Variants in MRPS27 observed in about 807,000 individuals in gnomAD.
MRPS27 encodes the protein mitochondrial ribosomal protein S27.
A neutral mutation model predicts 48.9 loss-of-function variants in MRPS27; 43 were observed. The ratio of observed to expected loss-of-function variants is 0.88; its 90% CI spans 0.69 to 1.13. MRPS27 has a LOEUF of 1.13. Ranked by LOEUF, MRPS27 falls within the 50% of genes most tolerant of loss-of-function variation. MRPS27 has a pLI of 0.00. For missense variants in MRPS27, 467 were observed against 476.3 expected, an observed-to-expected ratio of 0.98 and a Z score of 0.18; for synonymous variants, 188 against 171.9, an observed-to-expected ratio of 1.09 and a Z score of -0.73.
intron 1 of MRPS27, among the ~76,000 whole-genome samples, chr5:72,318,624 G>A (rs991152062): frequency 6.6e-6 from 1 of 152,072 alleles, no homozygotes; most frequent in Admixed American, 6.6e-5. Context: ...GAGAAACCCC[G>A]TCTCTACTGA....
At chr5:72,307,186 T>C (rs1294602760) in intron 2 of MRPS27, among the ~76,000 whole-genome samples, 2 of 151,974 alleles carry the variant, frequency 1.3e-5, no homozygotes, top group Non-Finnish European at 2.9e-5. Context: ...ACCCCATCTC[T>C]GCTAAAAATA....
chr5:72,235,812 C>A (rs1421695257), intron 5 of MRPS27, among the ~76,000 whole-genome samples: 1 of 152,166 alleles, frequency 6.6e-6, no homozygotes, highest in Non-Finnish European at 1.5e-5. Context: ...GAGAAGGCAT[C>A]AGCAGGCACC....
chr5:72,311,283 T>C (rs1750435143), intron 2 of MRPS27, among the ~76,000 whole-genome samples: 1 of 152,144 alleles, frequency 6.6e-6, no homozygotes, highest in African/African-American at 2.4e-5. Flanking sequence ...AGCTATAATA[T>C]ATGAAACAAA....
chr5:72,317,112 A>G (rs546710314), intron 1 of MRPS27, among the ~76,000 whole-genome samples: 1 of 152,174 alleles, frequency 6.6e-6, no homozygotes, highest in East Asian at 1.9e-4. Context: ...ACAACTAGAT[A>G]GCATGGGGGC....
chr5:72,248,705 A>T lies in MRPS27; in HGVS notation c.282-10577T>A, dbSNP rs534306943. Among the ~76,000 whole-genome samples, 156 of 93,120 alleles carry T rather than the reference A, an allele frequency of 1.7e-3. 1 individual carries two copies. The highest frequency in any genetic ancestry group is 5.8e-3 in the African/African-American group (147 of 25,316). 61.1% of individuals were successfully genotyped at this position (93,120 alleles called of 152,430 possible). On this transcript the variant is annotated intron_variant, in intron 4 of 10. Transcript: ENST00000261413. ...AAAAAAAAAAAAAAAGCTTTGATGT[A>T]TAATAGTTAAATAGATTCCAGACAG... is the stretch of plus-strand genomic sequence containing the variant.
In MRPS27 at chr5:72,279,774, C is replaced by CA. The variant is rs201696219; in HGVS notation, c.281+15756dup. Among the ~76,000 whole-genome samples the CA allele has an allele frequency of 5.2e-3, 782 of 149,778 alleles. 3 individuals carry two copies. The highest frequency in any genetic ancestry group is 0.018 in the African/African-American group (737 of 40,856). On this transcript the variant is annotated intron_variant, in intron 4 of 10. Transcript: ENST00000261413. ...TTTGTTATGTTTTTTGTGTCTTGTT[C>CA]AAAAAAAAACAAATCCTTCAGTGTC...
rs142897464 is a variant in MRPS27 at position 72,226,167 on chromosome 5, C to G, written c.727G>C (p.Val243Leu). 3.2e-5 allele frequency: 51 copies of G among 1,613,678 alleles called. No homozygotes were observed. Among genetic ancestry groups the G allele is most frequent in the Non-Finnish European group, 4.2e-5 (49 of 1,179,810 alleles). ...CATATCAGAGGCATGTTGTGGTACA[C>G]AGCCCGTAGCCCTTGCTGCAACTCC... ...KVELQQGLRA[V>L]YHNMPLIWKP... The change falls in exon 9 of 11, where the codon GTG becomes CTG. Residue 243 changes from valine (V) to leucine (L), a missense_variant. Transcript: ENST00000261413.
chr5:72,261,320 T>C (rs1321840249), intron 4 of MRPS27, among the ~76,000 whole-genome samples: 1 of 151,930 alleles, frequency 6.6e-6, no homozygotes, highest in Non-Finnish European at 1.5e-5. Context: ...GGCACGATCT[T>C]GGCTCACTGC....
intron 2 of MRPS27, among the ~76,000 whole-genome samples, chr5:72,310,265 C>T (rs1171560889): frequency 6.6e-6 from 1 of 152,134 alleles, no homozygotes; most frequent in African/African-American, 2.4e-5. Flanking sequence ...GCACCTAGAT[C>T]TTGGTTTCTA....
At chr5:72,285,966 A>G (rs1218035078) in intron 4 of MRPS27, among the ~76,000 whole-genome samples, 1 of 152,256 alleles carries the variant, frequency 6.6e-6, no homozygotes, top group Non-Finnish European at 1.5e-5. Context: ...TTTGTCTTAC[A>G]GACACGAATC....
chr5:72,298,040 A>G, intron 2 of MRPS27, among the ~76,000 whole-genome samples: 1 of 152,174 alleles, frequency 6.6e-6, no homozygotes, highest in East Asian at 1.9e-4. Context: ...AAAAACAAAA[A>G]TTGACAAGTG....
intron 4 of MRPS27, among the ~76,000 whole-genome samples, chr5:72,242,742 TA>T (rs749666660): frequency 7.6e-5 from 11 of 144,374 alleles, no homozygotes; most frequent in African/African-American, 2.7e-4. Context: ...ACACCAAAAA[TA>T]GGGGGGAAAA....
At chr5:72,253,019 T>A (rs1345858490) in intron 4 of MRPS27, among the ~76,000 whole-genome samples, 2 of 152,208 alleles carry the variant, frequency 1.3e-5, no homozygotes, top group East Asian at 1.9e-4. Flanking sequence ...CTAACTTGTA[T>A]GAAGACTTCC....
At chr5:72,260,011 C>T (rs778591818) in intron 4 of MRPS27, among the ~76,000 whole-genome samples, 1 of 152,098 alleles carries the variant, frequency 6.6e-6, no homozygotes, top group Non-Finnish European at 1.5e-5. Context: ...ACTGCCTTTC[C>T]TGCTTTTTCT....
chr5:72,225,911 G>A, intron 9 of MRPS27, 146 bp downstream of exon 9: 1 of 807,390 alleles, frequency 1.2e-6, no homozygotes, highest in African/African-American at 1.7e-5. Flanking sequence ...AATGTTTGTG[G>A]TTTTGCATTT....
chr5:72,295,395 C>T (rs1165136492), intron 4 of MRPS27, 136 bp downstream of exon 4: 2 of 659,886 alleles, frequency 3.0e-6, no homozygotes, highest in Non-Finnish European at 5.3e-6. Flanking sequence ...CAGAAACTCT[C>T]TCTATACTCA....
chr5:72,299,946 T>C (rs921722061), intron 2 of MRPS27, among the ~76,000 whole-genome samples: 2 of 152,230 alleles, frequency 1.3e-5, no homozygotes, highest in East Asian at 1.9e-4. Flanking sequence ...TTCTGTGTCC[T>C]CCATTCTGTT....
At chr5:72,227,733 CA>C (rs1747940357) in intron 8 of MRPS27, 1 of 153,062 alleles carries the variant, frequency 6.5e-6, no homozygotes, top group Admixed American at 6.5e-5. Context: ...AATCAGGGCA[CA>C]AGAGGAAAGC....
intron 4 of MRPS27, among the ~76,000 whole-genome samples, chr5:72,283,767 C>A (rs1313702239): frequency 1.3e-5 from 2 of 151,800 alleles, no homozygotes; most frequent in Admixed American, 6.6e-5. Context: ...CACCCTCTTG[C>A]TGCCTTCTAA....
Sources: allele counts gnomAD v4.1 joint callset (sites outside exome capture counted in the v4.1 genomes callset), GRCh38; gene constraint gnomAD v4.1.1; transcripts MANE v1.5; gene names NCBI Gene and HGNC (gene_info 2026-07-23, HGNC 2026-07-21).